The following ADAMTS17 variants were observed in gnomAD, a reference collection of about 807,000 sequenced individuals.
The protein encoded by ADAMTS17 is A disintegrin and metalloproteinase with thrombospondin motifs 17.
ADAMTS17 carries 113 observed loss-of-function variants against 141.5 expected under a neutral mutation model. The ratio of observed to expected loss-of-function variants is 0.80; its 90% confidence interval spans 0.69 to 0.93. The LOEUF is 0.93. Among genes scored for constraint, ADAMTS17 ranks in the 40% least tolerant of loss-of-function variants. The probability of loss-of-function intolerance (pLI) is 0.00; values close to 1 mark genes in which losing one functional copy is unlikely to be tolerated. For missense variants in ADAMTS17, 1,659 were observed against 1,517.9 expected (o/e 1.09, Z -1.54); for synonymous variants, 768 against 630.6 (o/e 1.22, Z -3.27).
At chr15:100,254,754 A>T (rs4075025) in intron 6 of ADAMTS17, among the ~76,000 whole-genome samples, 41,296 of 152,122 alleles carry the variant, frequency 0.27, 5,953 homozygotes, top group Admixed American at 0.33. Context: ...ACAGAAAAGC[A>T]AACACCACAT....
intron 8 of ADAMTS17, among the ~76,000 whole-genome samples, chr15:100,165,360 C>T (rs951168439): frequency 9.9e-5 from 15 of 152,176 alleles, no homozygotes; most frequent in Admixed American, 8.5e-4. Flanking sequence ...ACCATCAGCA[C>T]ATAGGACAGA....
chr15:100,281,405 G>T lies in ADAMTS17; in HGVS notation c.617-4C>A. 6.2e-7 allele frequency: 1 copy of T among 1,611,658 alleles called. No individual in the cohort carries two copies. Among genetic ancestry groups the T allele is most frequent in the Non-Finnish European group, 8.5e-7 (1 of 1,179,636 alleles). On this transcript the variant is annotated splice_polypyrimidine_tract_variant and splice_region_variant and intron_variant, in intron 3 of 21. Transcript: ENST00000268070. ...CCCCACGTCGGCTTCTTCTTTTCTA[G>T]AAAATGATGGAAACATTTGTGCGGT...
chr15:100,081,116 C>T (rs1468889686), intron 15 of ADAMTS17, among the ~76,000 whole-genome samples: 1 of 152,138 alleles, frequency 6.6e-6, no homozygotes, highest in African/African-American at 2.4e-5. Context: ...ATCTGGTGGG[C>T]ACAATCTAAT....
chr15:100,259,710 T>C (rs61130264), intron 6 of ADAMTS17, among the ~76,000 whole-genome samples: 56,250 of 152,204 alleles, frequency 0.37, 10,961 homozygotes, highest in South Asian at 0.52. Context: ...TCCTAAGGGA[T>C]TGGCACGCTA....
chr15:100,341,053 C>T lies in ADAMTS17; in HGVS notation c.436G>A (p.Ala146Thr). 6.6e-7 allele frequency: 1 copy of T among 1,523,290 alleles called. No homozygotes were observed. The highest frequency in any genetic ancestry group is 8.8e-7 in the Non-Finnish European group (1 of 1,140,456). The allele number at this position is 1,523,290 out of a possible 1,614,324, so 94.4% of individuals were successfully genotyped here. A position where few individuals can be genotyped will look rare whatever the true frequency, so the allele number is the denominator to read the frequency against. ...GSLVSLSACGAAGGLVGLIQL... is the reference protein window; with the variant it reads ...GSLVSLSACGTAGGLVGLIQL... ...GCGGGCAGTACCAGGCCGCCGGCGG[C>T]GCCGCAGGCGCTGAGCGAGACGAGG... Residue 146 changes from alanine to threonine, a missense_variant, in exon 2 of 22, where the codon GCC becomes ACC. Physicochemically the swap from Ala to Thr is moderately conservative, Grantham distance 58. Coordinates refer to ENST00000268070, the MANE Select transcript of ADAMTS17 (RefSeq NM_139057.4).
chr15:100,062,381 C>T (rs747517425), intron 15 of ADAMTS17, among the ~76,000 whole-genome samples: 10 of 152,186 alleles, frequency 6.6e-5, no homozygotes, highest in African/African-American at 7.2e-5. Context: ...TGATACCCCA[C>T]GTGGGTGCTT....
chr15:100,097,237 AT>A (rs2035818115), intron 14 of ADAMTS17, among the ~76,000 whole-genome samples: 1 of 152,286 alleles, frequency 6.6e-6, no homozygotes, highest in South Asian at 2.1e-4. Flanking sequence ...TTGGGTAATT[AT>A]TTACTAGCCA....
intron 8 of ADAMTS17, among the ~76,000 whole-genome samples, chr15:100,156,937 C>T (rs575126587): frequency 1.1e-4 from 17 of 152,364 alleles, no homozygotes; most frequent in African/African-American, 2.6e-4. Context: ...GTGTTTCACA[C>T]TTGAAACTGG....
At chr15:100,089,758 C>G (rs74755054) in intron 15 of ADAMTS17, among the ~76,000 whole-genome samples, 23,596 of 147,730 alleles carry the variant, frequency 0.16, 2,384 homozygotes, top group East Asian at 0.53. Context: ...CGCATGTTCT[C>G]ACTCAAAGGT....
At chr15:99,981,157 A>T (rs1456725678) in intron 20 of ADAMTS17, among the ~76,000 whole-genome samples, 1 of 152,212 alleles carries the variant, frequency 6.6e-6, no homozygotes, top group Non-Finnish European at 1.5e-5. Context: ...TGGAGCTTTA[A>T]TCGGAAGCGG....
intron 7 of ADAMTS17, among the ~76,000 whole-genome samples, chr15:100,250,650 A>G (rs1453083016): frequency 6.6e-6 from 1 of 152,190 alleles, no homozygotes; most frequent in Non-Finnish European, 1.5e-5. Context: ...AAAGCTGCCC[A>G]TGTAATAAGA....
chr15:100,313,426 C>T (rs1021452787), intron 3 of ADAMTS17, among the ~76,000 whole-genome samples: 14 of 152,300 alleles, frequency 9.2e-5, no homozygotes, highest in Admixed American at 9.2e-4. Context: ...AAATTATATG[C>T]AAGCCTCCAT....
At chr15:100,053,852 C>T (rs764651919) in intron 16 of ADAMTS17, 45 bp downstream of exon 16, 60 of 1,613,874 alleles carry the variant, frequency 3.7e-5, no homozygotes, top group African/African-American at 2.1e-4. Flanking sequence ...GTAGACCTCT[C>T]GGAGCCACAC....
At chr15:100,063,136 A>G (rs552547920) in intron 15 of ADAMTS17, among the ~76,000 whole-genome samples, 2 of 152,368 alleles carry the variant, frequency 1.3e-5, no homozygotes, top group South Asian at 2.1e-4. Flanking sequence ...AAGTCTACGG[A>G]AAGATGCAGG....
chr15:100,186,337 T>C lies in ADAMTS17; in HGVS notation c.1181+12981A>G, dbSNP rs2040716586. On this transcript the variant is annotated intron_variant, in intron 8 of 21. Coordinates refer to ENST00000268070, the MANE Select transcript of ADAMTS17 (RefSeq NM_139057.4). Reference sequence around the variant, plus strand: ...CTGGCTCTGCCATTTACCAGTGGAGTGTCCTGGGCCTCATCTTCCTCTCTA... The same window carrying C: ...CTGGCTCTGCCATTTACCAGTGGAGCGTCCTGGGCCTCATCTTCCTCTCTA... Among the ~76,000 whole-genome samples the C allele has an allele frequency of 2.6e-5, 4 of 152,138 alleles. No homozygotes were observed. The South Asian group carries it at 8.3e-4, about 32-fold the overall frequency.
At chr15:100,116,796 C>T (rs775129635) in intron 13 of ADAMTS17, 51 bp downstream of exon 13, 3 of 1,613,194 alleles carry the variant, frequency 1.9e-6, no homozygotes, top group South Asian at 2.2e-5. Context: ...TTTTTATATT[C>T]TTAGGGGAGG....
chr15:100,234,115 G>T (rs752670218), intron 7 of ADAMTS17, among the ~76,000 whole-genome samples: 21 of 152,190 alleles, frequency 1.4e-4, no homozygotes, highest in Non-Finnish European at 2.6e-4. Context: ...GGCCTGGACC[G>T]TGGGAGGAAT....
intron 12 of ADAMTS17, among the ~76,000 whole-genome samples, chr15:100,118,279 G>T (rs2037266010): frequency 6.6e-6 from 1 of 152,260 alleles, no homozygotes; most frequent in Non-Finnish European, 1.5e-5. Context: ...ACACCTGGTG[G>T]TAAGCCAGAT....
At chr15:100,315,377 G>T (rs1256845831) in intron 3 of ADAMTS17, among the ~76,000 whole-genome samples, 1 of 152,182 alleles carries the variant, frequency 6.6e-6, no homozygotes, top group Non-Finnish European at 1.5e-5. Context: ...GAACAACACT[G>T]GTGATCGGCC....
Sources: allele counts gnomAD v4.1 joint callset (sites outside exome capture counted in the v4.1 genomes callset), GRCh38; gene constraint gnomAD v4.1.1; transcripts MANE v1.5; gene names NCBI Gene and HGNC (gene_info 2026-07-23, HGNC 2026-07-21).